Variants in ZNF451 observed in about 807,000 individuals in gnomAD.
ZNF451 encodes zinc finger protein 451, also known as E3 SUMO-protein ligase ZNF451.
A neutral mutation model predicts 107.1 loss-of-function variants in ZNF451; 80 were observed. The observed-to-expected ratio is 0.75, with a 90% CI of 0.62 to 0.90. ZNF451 has a LOEUF of 0.90. ZNF451 is among the 40% of genes least tolerant of loss of function. The pLI, the probability that ZNF451 is intolerant of heterozygous loss-of-function variation, is 0.00. For missense variants in ZNF451, 1,107 were observed against 1,236.2 expected, an observed-to-expected ratio of 0.90 and a Z score of 1.57; for synonymous variants, 362 against 406.5, an observed-to-expected ratio of 0.89 and a Z score of 1.32.
chr6:57,156,682 C>T (rs1289587365), intron 13 of ZNF451, among the ~76,000 whole-genome samples: 1 of 152,188 alleles, frequency 6.6e-6, no homozygotes, highest in African/African-American at 2.4e-5. Flanking sequence ...GGTCTCAACG[C>T]TTCTAGATGC....
At chr6:57,102,574 T>G (rs1829659267) in intron 3 of ZNF451, 1 of 987,052 alleles carries the variant, frequency 1.0e-6, no homozygotes, top group Admixed American at 6.0e-5. Flanking sequence ...TTGACAGATC[T>G]TCACAAAATG....
chr6:57,102,769 C>T (rs1040064867), intron 3 of ZNF451: 2 of 985,312 alleles, frequency 2.0e-6, no homozygotes, highest in African/African-American at 1.7e-5. Flanking sequence ...CTATTATGGA[C>T]ACCAACTGGA....
chr6:57,149,442 A>T (rs1007537896), intron 10 of ZNF451, among the ~76,000 whole-genome samples: 2 of 152,084 alleles, frequency 1.3e-5, no homozygotes, highest in Non-Finnish European at 1.5e-5. Context: ...ATGGGATTTT[A>T]CTATGTTGCC....
chr6:57,143,390 C>G (rs1221219313), intron 9 of ZNF451, among the ~76,000 whole-genome samples: 1 of 151,978 alleles, frequency 6.6e-6, no homozygotes, highest in African/African-American at 2.4e-5. Context: ...TTACAACAAC[C>G]ATTGTCTGGT....
rs1193044567 is a variant in ZNF451 at position 57,148,210 on chromosome 6, G to T, written c.2125G>T (p.Asp709Tyr). ...AACTGAAACTTCAATTAAAACCGAA[G>T]ATGATTTTCCAGTAATAGAGACCAG... is the stretch of plus-strand genomic sequence containing the variant. ...EKTETSIKTE[D>Y]DFPVIETSNQ... Residue 709 changes from aspartate to tyrosine, a missense_variant, in exon 10 of 15, where the codon GAT (aspartate) becomes TAT (tyrosine). Coordinates refer to ENST00000370706, the MANE Select transcript of ZNF451 (RefSeq NM_001031623.3). 1.2e-6 allele frequency: 2 copies of T among 1,614,016 alleles called. No homozygotes were observed. The highest frequency in any genetic ancestry group is 8.5e-7 in the Non-Finnish European group (1 of 1,179,962).
At chr6:57,126,053 G>A (rs1484509148) in intron 4 of ZNF451, among the ~76,000 whole-genome samples, 1 of 152,024 alleles carries the variant, frequency 6.6e-6, no homozygotes, top group Admixed American at 6.6e-5. Flanking sequence ...TTCCCAGGCA[G>A]TCTTAATGGC....
intron 12 of ZNF451, among the ~76,000 whole-genome samples, chr6:57,153,404 CT>C (rs1832437646): frequency 6.7e-6 from 1 of 149,744 alleles, no homozygotes; most frequent in Non-Finnish European, 1.5e-5. Context: ...CTTTCTTTCT[CT>C]CTTTTTTTTT....
intron 9 of ZNF451, among the ~76,000 whole-genome samples, chr6:57,146,837 T>C (rs1832088881): frequency 6.6e-6 from 1 of 152,210 alleles, no homozygotes; most frequent in Non-Finnish European, 1.5e-5. Context: ...TTTTCTAAAA[T>C]TTGCCTGAAT....
chr6:57,136,127 C>T (rs531363816), intron 7 of ZNF451, among the ~76,000 whole-genome samples: 10 of 152,152 alleles, frequency 6.6e-5, no homozygotes, highest in East Asian at 1.9e-4. Context: ...GGAGAGCCTG[C>T]GTCTTGTTCA....
chr6:57,116,961 CT>C (rs1196744185), intron 3 of ZNF451: 2 of 151,622 alleles, frequency 1.3e-5, no homozygotes, highest in African/African-American at 4.8e-5. Flanking sequence ...AATGAAGAAA[CT>C]TTCTCCTCAC....
intron 1 of ZNF451, 134 bp from the exon 2 acceptor site, chr6:57,090,677 G>A (rs1829021995): frequency 1.1e-5 from 1 of 87,042 alleles, no homozygotes; most frequent in Non-Finnish European, 1.9e-5. Flanking sequence ...TCCGTTCCTA[G>A]TCGGGTTTCC....
chr6:57,138,737 ATATATGTGTG>A (rs1198242736), intron 7 of ZNF451, among the ~76,000 whole-genome samples: 12 of 91,276 alleles, frequency 1.3e-4, no homozygotes, highest in African/African-American at 4.9e-4. Context: ...ATATATATAT[ATATATGTGTG>A]TGTGTGTGTG....
chr6:57,094,712 A>G, intron 2 of ZNF451, among the ~76,000 whole-genome samples: 1 of 152,236 alleles, frequency 6.6e-6, no homozygotes, highest in African/African-American at 2.4e-5. Flanking sequence ...TCAGTGTTAC[A>G]AAGTATTCAC....
chr6:57,112,669 C>T lies in ZNF451; in HGVS notation c.187-12065C>T, dbSNP rs1250657728. ...AAACTGGGTTGTTGTGATCACTTCT[C>T]TGGGTAGTAACTGTTCTTGCAGAGT... On this transcript the variant is annotated intron_variant, in intron 3 of 14. Coordinates refer to ENST00000370706, the MANE Select transcript of ZNF451 (RefSeq NM_001031623.3). Among the ~76,000 whole-genome samples, 3 of 152,140 alleles carry T rather than the reference C, an allele frequency of 2.0e-5. No homozygotes were observed. In the East Asian group the frequency reaches 5.8e-4, roughly 29 times the overall value.
At chr6:57,100,188 T>C (rs891343593) in intron 3 of ZNF451, among the ~76,000 whole-genome samples, 3 of 152,226 alleles carry the variant, frequency 2.0e-5, no homozygotes, top group Admixed American at 6.5e-5. Flanking sequence ...AGTGGAACTT[T>C]CCTTAAGTTC....
At chr6:57,107,262 C>T (rs1006667369) in intron 3 of ZNF451, 16 of 985,156 alleles carry the variant, frequency 1.6e-5, no homozygotes, top group African/African-American at 7.0e-5. Context: ...TTCCCATAAT[C>T]GCTTTGATGT....
intron 3 of ZNF451, chr6:57,107,287 T>A: frequency 1.0e-6 from 1 of 985,292 alleles, no homozygotes; most frequent in East Asian, 1.1e-4. Context: ...GATATTTTTA[T>A]TCTATCAGTG....
chr6:57,145,320 T>C (rs545571122), intron 9 of ZNF451, among the ~76,000 whole-genome samples: 1 of 152,198 alleles, frequency 6.6e-6, no homozygotes, highest in East Asian at 1.9e-4. Flanking sequence ...TTCTTATAGA[T>C]TCAGGGGGTA....
intron 5 of ZNF451, among the ~76,000 whole-genome samples, chr6:57,129,953 G>A (rs1033576369): frequency 2.0e-5 from 3 of 152,056 alleles, no homozygotes; most frequent in Admixed American, 6.6e-5. Flanking sequence ...ATATAAGTTT[G>A]GTTGCTCAGC....
Sources: gnomAD v4.1 joint callset for allele counts (sites outside exome capture counted in the v4.1 genomes callset) on GRCh38, gnomAD v4.1.1 for gene constraint, MANE v1.5 for transcripts, NCBI Gene and HGNC (gene_info 2026-07-23, HGNC 2026-07-21) for gene names.